EDAR: variants seen among roughly 807,000 people sequenced by gnomAD.
The protein encoded by EDAR is tumor necrosis factor receptor superfamily member EDAR.
Under a neutral mutation model 51.3 loss-of-function variants are expected in EDAR, and 38 were observed. The observed-to-expected ratio is 0.74, with a 90% confidence interval of 0.57 to 0.97. The LOEUF (loss-of-function observed/expected upper bound fraction) is 0.97. Among genes scored for constraint, EDAR ranks in the 50% least tolerant of loss-of-function variants. The probability of loss-of-function intolerance (pLI) is 0.00; values close to 1 mark genes in which losing one functional copy is unlikely to be tolerated. For synonymous variants in EDAR, 227 were observed against 242.1 expected (o/e 0.94, Z 0.58); for missense variants, 528 against 595.0 (o/e 0.89, Z 1.17).
chr2:108,918,025 T>C (rs1697058993), intron 5 of EDAR, among the ~76,000 whole-genome samples: 1 of 152,168 alleles, frequency 6.6e-6, no homozygotes, highest in African/African-American at 2.4e-5. Flanking sequence ...TTTTATATTA[T>C]TAGCGCACCA....
At chr2:108,964,380 TC>T (rs1479659354) in intron 1 of EDAR, among the ~76,000 whole-genome samples, 2 of 152,026 alleles carry the variant, frequency 1.3e-5, no homozygotes, top group African/African-American at 2.4e-5. Context: ...TCCAAAGCAG[TC>T]CCACTAACAG....
intron 5 of EDAR, among the ~76,000 whole-genome samples, chr2:108,916,723 T>C (rs1348104917): frequency 2.0e-5 from 3 of 152,064 alleles, no homozygotes; most frequent in South Asian, 2.1e-4. Context: ...GGGGGCAAGA[T>C]GGGTGGGATG....
At chr2:108,982,318 G>A (rs987574456) in intron 1 of EDAR, among the ~76,000 whole-genome samples, 1 of 152,232 alleles carries the variant, frequency 6.6e-6, no homozygotes, top group Non-Finnish European at 1.5e-5. Context: ...AGGGAGGTGG[G>A]TGGAAGCCTC....
intron 10 of EDAR, 137 bp from the exon 11 acceptor site, chr2:108,906,505 C>T: frequency 1.1e-6 from 1 of 901,336 alleles, no homozygotes; most frequent in Non-Finnish European, 1.8e-6. Flanking sequence ...GTGTCAGCAG[C>T]CCAGCCCTGA....
intron 1 of EDAR, among the ~76,000 whole-genome samples, chr2:108,982,162 A>C (rs1045189166): frequency 1.3e-5 from 2 of 152,246 alleles, no homozygotes; most frequent in Non-Finnish European, 2.9e-5. Flanking sequence ...AGATCTCCCA[A>C]AGCCTTGAGA....
chr2:108,966,052 A>G (rs575056239), intron 1 of EDAR, among the ~76,000 whole-genome samples: 3 of 152,294 alleles, frequency 2.0e-5, no homozygotes, highest in East Asian at 1.9e-4. Context: ...AAAACATTCA[A>G]TATCACCATA....
intron 11 of EDAR, among the ~76,000 whole-genome samples, chr2:108,905,062 AAAC>A (rs1055956966): frequency 6.6e-6 from 1 of 152,202 alleles, no homozygotes; most frequent in African/African-American, 2.4e-5. Flanking sequence ...ACAAAACAAA[AAAC>A]AAAGAGACAC....
chr2:108,968,850 C>T (rs1698191172), intron 1 of EDAR, among the ~76,000 whole-genome samples: 2 of 152,200 alleles, frequency 1.3e-5, no homozygotes, highest in Admixed American at 1.3e-4. Context: ...CTTCACTCTG[C>T]TATGCACTAT....
intron 1 of EDAR, among the ~76,000 whole-genome samples, chr2:108,974,686 C>T (rs950381925): frequency 7.9e-5 from 12 of 152,030 alleles, no homozygotes; most frequent in South Asian, 2.1e-4. Flanking sequence ...GCCGAGATAG[C>T]GCCACTGCAC....
intron 9 of EDAR, 118 bp from the exon 10 acceptor site, chr2:108,908,137 T>A (rs1018944224): frequency 2.5e-6 from 3 of 1,200,152 alleles, no homozygotes; most frequent in Non-Finnish European, 3.4e-6. Context: ...CAATGACTTG[T>A]TTTTCAGGTG....
Position 108,930,252 on chromosome 2 carries a change from A to G in EDAR, c.52-10T>C. 3 of 1,613,762 alleles carry G rather than the reference A, an allele frequency of 1.9e-6. No homozygotes were observed. Among genetic ancestry groups the G allele is most frequent in the Non-Finnish European group, 2.5e-6 (3 of 1,179,854 alleles). ...AGCACATCAGAGACACCTGCCAACA[A>G]AGGGGGGTGTTGTGGCCTCCGTACC... is the stretch of plus-strand genomic sequence containing the variant. On this transcript the variant is annotated splice_polypyrimidine_tract_variant and intron_variant, in intron 2 of 11. Transcript: ENST00000258443.
At chr2:108,910,555 G>C (rs1278735209) in intron 8 of EDAR, 23 bp from the exon 9 acceptor site, 1 of 1,599,714 alleles carries the variant, frequency 6.3e-7, no homozygotes, top group African/African-American at 1.3e-5. Flanking sequence ...GGGGAGGTTG[G>C]GGAGATAGGA....
chr2:108,978,357 G>C (rs1040952683), intron 1 of EDAR, among the ~76,000 whole-genome samples: 9 of 152,152 alleles, frequency 5.9e-5, no homozygotes, highest in African/African-American at 2.2e-4. Context: ...TAGGTGGCCA[G>C]GTCTCCTATT....
At chr2:108,943,184 C>T (rs1252436160) in intron 1 of EDAR, among the ~76,000 whole-genome samples, 1 of 152,058 alleles carries the variant, frequency 6.6e-6, no homozygotes, top group African/African-American at 2.4e-5. Context: ...TTCGTTTCTT[C>T]GTCATTCTCT....
chr2:108,969,268 A>G (rs1416388761), intron 1 of EDAR, among the ~76,000 whole-genome samples: 2 of 151,006 alleles, frequency 1.3e-5, no homozygotes, highest in Admixed American at 6.6e-5. Flanking sequence ...CACCCCACCT[A>G]TTTTTAGATA....
chr2:108,929,449 T>G, intron 3 of EDAR, 70 bp from the exon 4 acceptor site: 1 of 1,525,536 alleles, frequency 6.6e-7, no homozygotes. Flanking sequence ...CGGCCCACAG[T>G]CCTTGGGCAG....
chr2:108,931,250 G>T (rs1558815749), intron 1 of EDAR, among the ~76,000 whole-genome samples: 1 of 152,262 alleles, frequency 6.6e-6, no homozygotes, highest in Non-Finnish European at 1.5e-5. Flanking sequence ...CTGGGAGGGA[G>T]CCTGAGAGGA....
intron 1 of EDAR, among the ~76,000 whole-genome samples, chr2:108,977,471 T>C (rs1054839351): frequency 6.6e-6 from 1 of 152,128 alleles, no homozygotes; most frequent in Non-Finnish European, 1.5e-5. Context: ...GCGGTTTCAC[T>C]GTGTTCGCCA....
At chr2:108,951,587 C>T (rs1697829466) in intron 1 of EDAR, among the ~76,000 whole-genome samples, 1 of 152,056 alleles carries the variant, frequency 6.6e-6, no homozygotes, top group Non-Finnish European at 1.5e-5. Flanking sequence ...TAGATATTGG[C>T]ACAGGGATAA....
Sources: allele counts gnomAD v4.1 joint callset (sites outside exome capture counted in the v4.1 genomes callset), GRCh38; gene constraint gnomAD v4.1.1; transcripts MANE v1.5; gene names NCBI Gene and HGNC (gene_info 2026-07-23, HGNC 2026-07-21).